The following BAG4 variants were observed in gnomAD, a reference collection of about 807,000 sequenced individuals.
BAG4 encodes BAG cochaperone 4, also known as BAG family molecular chaperone regulator 4.
In BAG4, 28 loss-of-function variants were observed where a neutral mutation model predicts 52.1. The ratio of observed to expected loss-of-function variants is 0.54; its 90% CI spans 0.40 to 0.74. The LOEUF (loss-of-function observed/expected upper bound fraction) is 0.74. Among genes scored for constraint, BAG4 ranks in the 30% least tolerant of loss-of-function variants. The pLI is 0.00. For missense variants in BAG4, 525 were observed against 572.0 expected (o/e 0.92, Z 0.84); for synonymous variants, 208 against 217.0 (o/e 0.96, Z 0.37).
intron 2 of BAG4, among the ~76,000 whole-genome samples, chr8:38,203,290 TTTTC>T (rs1338267601): frequency 1.5e-5 from 2 of 131,052 alleles, no homozygotes; most frequent in Admixed American, 1.5e-4. Context: ...AATTTTTTTT[TTTTC>T]TTTTTTTGGA....
Position 38,176,912 on chromosome 8 carries a change from C to CA in BAG4, c.43_44insA (p.Pro15HisfsTer28). ...CTCGGGCTACGGCCCCAGTGACGGT[C>CA]CGTCCTACGGCCGCTACTACGGGCC... is the stretch of plus-strand genomic sequence containing the variant. On this transcript the variant is annotated frameshift_variant, in exon 1 of 5. Coordinates refer to ENST00000287322, the MANE Select transcript of BAG4 (RefSeq NM_004874.4). LOFTEE classifies it high-confidence loss of function. The CA allele has an allele frequency of 6.5e-7, 1 of 1,548,482 alleles. No individual in the cohort carries two copies.
intron 1 of BAG4, among the ~76,000 whole-genome samples, chr8:38,177,449 G>GGAT (rs1242317467): frequency 6.6e-6 from 1 of 152,224 alleles, no homozygotes; most frequent in Admixed American, 6.5e-5. Context: ...GGGGTGGCAC[G>GGAT]GATCTACTGC....
At chr8:38,194,869 T>G (rs559070645) in intron 2 of BAG4, among the ~76,000 whole-genome samples, 158 of 148,354 alleles carry the variant, frequency 1.1e-3, no homozygotes, top group African/African-American at 3.3e-3. Context: ...TTTTGTTTTT[T>G]TTTTTGGCCG....
At chr8:38,187,511 G>A (rs58780114) in intron 1 of BAG4, among the ~76,000 whole-genome samples, 36,716 of 151,962 alleles carry the variant, frequency 0.24, 4,594 homozygotes, top group East Asian at 0.31. Context: ...AACAAAAGAT[G>A]CAAATATGCT....
chr8:38,178,164 T>G (rs1234463552), intron 1 of BAG4, among the ~76,000 whole-genome samples: 3 of 151,768 alleles, frequency 2.0e-5, no homozygotes, highest in Non-Finnish European at 2.9e-5. Flanking sequence ...TTTTTGTTTT[T>G]TTTTTTTTTG....
At position 38,210,687 on chromosome 8, in the gene BAG4, C is replaced by T. The variant is rs895999960; in HGVS notation, c.*194C>T. The stretch of plus-strand genomic sequence containing the variant: ...TCATGAGTTGTTTTCAGTTTTCAGA[C>T]GAATGAATGTAATAGGAAACTATGG... On this transcript the variant is annotated 3_prime_UTR_variant, in exon 5 of 5. Transcript: ENST00000287322. 7.7e-5 allele frequency: 52 copies of T among 675,950 alleles called. No individual in the cohort carries two copies. The highest frequency in any genetic ancestry group is 8.9e-4 in the Middle Eastern group (2 of 2,252). The allele number at this position is 675,950 out of a possible 1,614,324, so 41.9% of individuals were successfully genotyped here.
At chr8:38,206,291 G>A (rs930366732) in intron 2 of BAG4, among the ~76,000 whole-genome samples, 1 of 149,148 alleles carries the variant, frequency 6.7e-6, no homozygotes, top group Non-Finnish European at 1.5e-5. Context: ...AAAAAAAAAA[G>A]TGATCCTCCC....
intron 1 of BAG4, among the ~76,000 whole-genome samples, chr8:38,190,636 A>G (rs530167851): frequency 1.8e-3 from 252 of 143,872 alleles, no homozygotes; most frequent in Middle Eastern, 7.1e-3. Context: ...ACTGAGTCTC[A>G]TTATTTTCCA....
chr8:38,181,565 C>T (rs1471058484), intron 1 of BAG4, among the ~76,000 whole-genome samples: 3 of 151,320 alleles, frequency 2.0e-5, no homozygotes, highest in South Asian at 2.1e-4. Context: ...GGTGAAACCC[C>T]GTCTCTACTA....
intron 2 of BAG4, among the ~76,000 whole-genome samples, chr8:38,206,695 A>G (rs568399419): frequency 2.0e-5 from 3 of 152,300 alleles, no homozygotes; most frequent in East Asian, 3.9e-4. Flanking sequence ...CATTTTCCTG[A>G]TGGAGAAACT....
intron 2 of BAG4, among the ~76,000 whole-genome samples, chr8:38,197,691 CT>C (rs1316505603): frequency 6.6e-6 from 1 of 152,022 alleles, no homozygotes; most frequent in Non-Finnish European, 1.5e-5. Context: ...ACTTTATAAA[CT>C]TTATTTTATT....
Position 38,211,301 on chromosome 8 carries a change from A to C in BAG4, c.*808A>C, listed in dbSNP as rs1224449443. ...TGACATAAAATGAAAATGTTTACGGACACTTTTCTTTTTTGCTTTTTTATT... is the reference window on the plus strand; with the variant it reads ...TGACATAAAATGAAAATGTTTACGGCCACTTTTCTTTTTTGCTTTTTTATT... On this transcript the variant is annotated 3_prime_UTR_variant, in exon 5 of 5. Transcript: ENST00000287322. 2.0e-5 allele frequency: 3 copies of C among 147,290 alleles called. No homozygotes were observed. Among genetic ancestry groups the C allele is most frequent in the Non-Finnish European group, 4.5e-5 (3 of 67,236 alleles). 9.1% of individuals were successfully genotyped at this position (147,290 alleles called of 1,614,324 possible).
intron 2 of BAG4, among the ~76,000 whole-genome samples, chr8:38,199,577 G>T (rs1400692786): frequency 2.0e-5 from 3 of 149,972 alleles, no homozygotes; most frequent in Non-Finnish European, 4.4e-5. Context: ...AGGCTGGAGT[G>T]CAGTGGCACA....
intron 2 of BAG4, 150 bp downstream of exon 2, chr8:38,192,945 C>T: frequency 3.6e-6 from 2 of 550,000 alleles, no homozygotes; most frequent in Non-Finnish European, 6.2e-6. Context: ...GTTTTTAGCT[C>T]AGAGATAAGG....
At chr8:38,207,462 C>T (rs1466573003) in intron 2 of BAG4, 50 bp from the exon 3 acceptor site, 1 of 1,576,472 alleles carries the variant, frequency 6.3e-7, no homozygotes, top group Non-Finnish European at 8.7e-7. Context: ...CAGGGCATTT[C>T]AGCTCTTCTA....
chr8:38,192,933 A>G, intron 2 of BAG4, 138 bp downstream of exon 2: 1 of 572,706 alleles, frequency 1.7e-6, no homozygotes, highest in Admixed American at 3.6e-5. Context: ...TCTCATCTTA[A>G]TGTTTTTAGC....
chr8:38,207,959 A>G (rs1803800628), intron 3 of BAG4, among the ~76,000 whole-genome samples, 193 bp downstream of exon 3: 1 of 134,114 alleles, frequency 7.5e-6, no homozygotes, highest in Non-Finnish European at 1.6e-5. Context: ...ATAATCATAA[A>G]TTTTTATACT....
At chr8:38,193,544 CTTCTT>C (rs1021931223) in intron 2 of BAG4, among the ~76,000 whole-genome samples, 1 of 152,028 alleles carries the variant, frequency 6.6e-6, no homozygotes, top group African/African-American at 2.4e-5. Flanking sequence ...CCCAATGACA[CTTCTT>C]TTCATTTACT....
chr8:38,206,403 A>G (rs1362708493), intron 2 of BAG4, among the ~76,000 whole-genome samples: 1 of 151,952 alleles, frequency 6.6e-6, no homozygotes, highest in Non-Finnish European at 1.5e-5. Flanking sequence ...GGGTGTGGAT[A>G]AGAGTCTGAA....
Sources: gnomAD v4.1 joint callset for allele counts (sites outside exome capture counted in the v4.1 genomes callset) on GRCh38, gnomAD v4.1.1 for gene constraint, MANE v1.5 for transcripts, NCBI Gene and HGNC (gene_info 2026-07-23, HGNC 2026-07-21) for gene names.